Variants in FUT2 observed in about 807,000 individuals in gnomAD.
FUT2 encodes the protein fucosyltransferase 2 (H blood group), also known as galactoside alpha-(1,2)-fucosyltransferase 2.
For synonymous variants in FUT2, 182 were observed against 193.1 expected (o/e 0.94, Z 0.48); for missense variants, 419 against 465.8 (o/e 0.90, Z 0.93).
chr19:48,703,536 A>G lies in FUT2; in HGVS notation c.580A>G (p.Thr194Ala), dbSNP rs763806313. The stretch of plus-strand genomic sequence containing the variant: ...GCAGGTGAACGGGAGCCGGCCGGGC[A>G]CCTTTGTAGGGGTCCATGTTCGCCG... ...GLQVNGSRPG[T>A]FVGVHVRRGD... Residue 194 changes from threonine to alanine, a missense_variant, in exon 2 of 2, where the codon ACC (threonine) becomes GCC (alanine). Physicochemically the swap from Thr to Ala is moderately conservative, Grantham distance 58. Transcript: ENST00000425340. 6.2e-7 allele frequency: 1 copy of G among 1,613,174 alleles called. No homozygotes were observed. The highest frequency in any genetic ancestry group is 2.2e-5 in the East Asian group (1 of 44,866).
At chr19:48,701,474 C>G (rs941626085) in intron 1 of FUT2, among the ~76,000 whole-genome samples, 1 of 151,888 alleles carries the variant, frequency 6.6e-6, no homozygotes, top group Non-Finnish European at 1.5e-5. Flanking sequence ...CCACCGCGCC[C>G]GGCCACAACT....
chr19:48,698,353 G>A (rs1462783422), intron 1 of FUT2, among the ~76,000 whole-genome samples: 3 of 152,004 alleles, frequency 2.0e-5, no homozygotes, highest in African/African-American at 7.2e-5. Context: ...CCACTCAGCA[G>A]CCACCTTCCT....
rs748945265 is a variant in FUT2, at chr19:48,703,146, T to C, written c.190T>C (p.Trp64Arg). Residue 64 changes from tryptophan (W) to arginine (R), a missense_variant, in exon 2 of 2, where the codon TGG (tryptophan) becomes CGG (arginine). Physicochemically the swap from Trp to Arg is moderately radical, Grantham distance 101. Coordinates refer to ENST00000425340, the MANE Select transcript of FUT2 (RefSeq NM_000511.6). Reference protein sequence around the residue: ...ALGPSQLRGMWTINAIGRLGN... With the variant: ...ALGPSQLRGMRTINAIGRLGN... ...GGGACCCAGCCAGCTCAGGGGGATGTGGACGATCAATGCAATAGGCCGCCT... is the reference window on the plus strand; with the variant it reads ...GGGACCCAGCCAGCTCAGGGGGATGCGGACGATCAATGCAATAGGCCGCCT... The C allele has an allele frequency of 3.6e-5, 58 of 1,613,378 alleles. No individual in the cohort carries two copies. The highest frequency in any genetic ancestry group is 4.7e-5 in the Non-Finnish European group (55 of 1,180,034).
In FUT2 at chr19:48,703,115, G is replaced by T. The variant is rs747338681; in HGVS notation, c.159G>T (p.Lys53Asn). ...VQIPVLASTSKALGPSQLRGM... is the reference protein window; with the variant it reads ...VQIPVLASTSNALGPSQLRGM... Reference sequence around the variant, plus strand: ...TACCAGTGCTAGCCTCAACATCAAAGGCACTGGGACCCAGCCAGCTCAGGG... The same window carrying T: ...TACCAGTGCTAGCCTCAACATCAAATGCACTGGGACCCAGCCAGCTCAGGG... The change falls in exon 2 of 2, where the codon AAG becomes AAT. Residue 53 changes from lysine (K) to asparagine (N), a missense_variant. Coordinates refer to ENST00000425340, the MANE Select transcript of FUT2 (RefSeq NM_000511.6). 6.2e-7 allele frequency: 1 copy of T among 1,613,478 alleles called. No individual in the cohort carries two copies. The highest frequency in any genetic ancestry group is 1.1e-5 in the South Asian group (1 of 90,650).
At chr19:48,700,520 A>C (rs927102521) in intron 1 of FUT2, among the ~76,000 whole-genome samples, 1 of 151,658 alleles carries the variant, frequency 6.6e-6, no homozygotes, top group Non-Finnish European at 1.5e-5. Flanking sequence ...TTTAGTAGAG[A>C]CGGGGTTTCA....
intron 1 of FUT2, among the ~76,000 whole-genome samples, chr19:48,700,792 C>T (rs964158208): frequency 9.2e-4 from 131 of 142,734 alleles, no homozygotes; most frequent in Middle Eastern, 3.5e-3. Flanking sequence ...CTTCCAGCAA[C>T]TCCCCCCACA....
chr19:48,704,957 G>T lies in FUT2; in HGVS notation c.*969G>T, dbSNP rs577856671. 8.7e-5 allele frequency: 36 copies of T among 411,872 alleles called. No homozygotes were observed. Among genetic ancestry groups the T allele is most frequent in the Non-Finnish European group, 1.6e-4 (36 of 225,808 alleles). 25.5% of individuals were successfully genotyped at this position (411,872 alleles called of 1,614,324 possible). ...TGGCTTTAGAGTAGACAACAGAGAT[G>T]CCCTGAGGGGTTGTGTAGGTTGTTC... On this transcript the variant is annotated 3_prime_UTR_variant, in exon 2 of 2. Transcript: ENST00000425340.
chr19:48,704,178 T>C lies in FUT2; in HGVS notation c.*190T>C. On this transcript the variant is annotated 3_prime_UTR_variant, in exon 2 of 2. Transcript: ENST00000425340. ...GGCTCATGCCTGTAATGCTCGCACT[T>C]TGTGAGGCCAGGGTGGGTGGATCAC... 1.5e-6 allele frequency: 1 copy of C among 686,428 alleles called. No individual in the cohort carries two copies. Among genetic ancestry groups the C allele is most frequent in the Non-Finnish European group, 2.6e-6 (1 of 378,750 alleles). 42.5% of individuals were successfully genotyped at this position (686,428 alleles called of 1,614,324 possible). A position where few individuals can be genotyped will look rare whatever the true frequency, so the allele number is the denominator to read the frequency against.
At chr19:48,697,898 T>C (rs1165083556) in intron 1 of FUT2, among the ~76,000 whole-genome samples, 2 of 151,888 alleles carry the variant, frequency 1.3e-5, no homozygotes, top group Non-Finnish European at 2.9e-5. Context: ...TTCACCATAT[T>C]AGTCAGGCTG....
At chr19:48,697,236 T>G (rs1192304177) in intron 1 of FUT2, among the ~76,000 whole-genome samples, 7 of 150,392 alleles carry the variant, frequency 4.7e-5, no homozygotes, top group Non-Finnish European at 1.0e-4. Context: ...TCCCAGCTAC[T>G]CGGGAGGCTG....
At chr19:48,702,251 T>C (rs2032529420) in intron 1 of FUT2, among the ~76,000 whole-genome samples, 1 of 151,860 alleles carries the variant, frequency 6.6e-6, no homozygotes. Context: ...AGAGAATTTG[T>C]TTTTAGTTAG....
intron 1 of FUT2, among the ~76,000 whole-genome samples, chr19:48,700,016 G>A (rs1601234449): frequency 6.6e-6 from 1 of 151,630 alleles, no homozygotes; most frequent in Non-Finnish European, 1.5e-5. Context: ...AGCCAGGTGT[G>A]GTGGTGCACA....
intron 1 of FUT2, among the ~76,000 whole-genome samples, chr19:48,698,218 G>A (rs953495610): frequency 6.6e-6 from 1 of 151,728 alleles, no homozygotes; most frequent in Non-Finnish European, 1.5e-5. Context: ...TGCCGTGCAG[G>A]GCATCTCGCC....
At position 48,700,532 on chromosome 19, in the gene FUT2, C is replaced by T. The variant is rs181974104; in HGVS notation, c.-2-2423C>T. 3.1e-3 allele frequency among the ~76,000 whole-genome samples: 468 copies of T among 151,896 alleles called. 1 individual carries two copies. The highest frequency in any genetic ancestry group is 4.2e-3 in the Non-Finnish European group (284 of 68,004). On this transcript the variant is annotated intron_variant, in intron 1 of 1. Coordinates refer to ENST00000425340, the MANE Select transcript of FUT2 (RefSeq NM_000511.6). ...ATTTTTAGTAGAGACGGGGTTTCAC[C>T]GTGTTAGCCAGGATGGTCTCGATCT...
intron 1 of FUT2, among the ~76,000 whole-genome samples, chr19:48,700,573 C>T (rs541162878): frequency 2.0e-5 from 3 of 151,954 alleles, no homozygotes; most frequent in Non-Finnish European, 2.9e-5. Flanking sequence ...CCTCATGATC[C>T]GCCCGCCTTG....
chr19:48,697,403 C>T (rs1303861614), intron 1 of FUT2, among the ~76,000 whole-genome samples: 2 of 149,554 alleles, frequency 1.3e-5, no homozygotes, highest in Admixed American at 6.7e-5. Context: ...GTGTCTCATG[C>T]CTGTAATCCC....
chr19:48,703,661 C>T lies in FUT2; in HGVS notation c.705C>T (p.Ser235=). ...QALDWFRARY[S]SLIFVVTSNG... ...TGGACTGGTTCCGAGCTCGCTACAGCTCCCTCATCTTCGTGGTCACCAGTA... is the reference window on the plus strand; with the variant it reads ...TGGACTGGTTCCGAGCTCGCTACAGTTCCCTCATCTTCGTGGTCACCAGTA... The change falls in exon 2 of 2, where the codon AGC becomes AGT. Residue 235 remains serine, a synonymous_variant. Coordinates refer to ENST00000425340, the MANE Select transcript of FUT2 (RefSeq NM_000511.6). The T allele has an allele frequency of 1.9e-6, 3 of 1,613,678 alleles. 1 individual carries two copies. The highest frequency in any genetic ancestry group is 3.3e-4 in the Middle Eastern group (2 of 6,062).
At position 48,704,160 on chromosome 19, in the gene FUT2, G is replaced by A; in HGVS notation, c.*172G>A. On this transcript the variant is annotated 3_prime_UTR_variant, in exon 2 of 2. Coordinates refer to ENST00000425340, the MANE Select transcript of FUT2 (RefSeq NM_000511.6). The stretch of plus-strand genomic sequence containing the variant: ...ACAGTGGCCTGGCGTGGTGGCTCAT[G>A]CCTGTAATGCTCGCACTTTGTGAGG... 1 of 739,004 alleles carries A rather than the reference G, an allele frequency of 1.4e-6. No individual in the cohort carries two copies. The highest frequency in any genetic ancestry group is 2.7e-5 in the East Asian group (1 of 37,332). The allele number at this position is 739,004 out of a possible 1,614,324, so 45.8% of individuals were successfully genotyped here.
At chr19:48,701,544 G>A (rs1051085672) in intron 1 of FUT2, among the ~76,000 whole-genome samples, 6 of 152,096 alleles carry the variant, frequency 3.9e-5, no homozygotes, top group African/African-American at 9.6e-5. Flanking sequence ...GGAAGTCCAC[G>A]GTGGAGCTGG....
Sources: gnomAD v4.1 joint callset for allele counts (sites outside exome capture counted in the v4.1 genomes callset) on GRCh38, gnomAD v4.1.1 for gene constraint, MANE v1.5 for transcripts, NCBI Gene and HGNC (gene_info 2026-07-23, HGNC 2026-07-21) for gene names.